The following CA6 variants were observed in gnomAD, a reference collection of about 807,000 sequenced individuals.
CA6 encodes the protein carbonate dehydratase VI.
A neutral mutation model predicts 35.9 loss-of-function variants in CA6; 28 were observed. The ratio of observed to expected loss-of-function variants is 0.78; its 90% CI spans 0.58 to 1.07. The LOEUF (loss-of-function observed/expected upper bound fraction) is 1.07. Ranked by LOEUF, CA6 falls within the 50% of genes least tolerant of loss-of-function variation. The pLI is 0.00. For synonymous variants in CA6, 148 were observed against 152.6 expected (o/e 0.97, Z 0.22); for missense variants, 377 against 382.0 (o/e 0.99, Z 0.11).
At chr1:8,973,776 CT>C (rs1333695550) in intron 7 of CA6, among the ~76,000 whole-genome samples, 342 of 17,240 alleles carry the variant, frequency 0.02, 31 homozygotes, top group African/African-American at 0.12. Flanking sequence ...TTCTTTCTTT[CT>C]TTCTTTCTTT....
chr1:8,973,756 C>CTT (rs1299413107), intron 7 of CA6, among the ~76,000 whole-genome samples: 5 of 21,880 alleles, frequency 2.3e-4, no homozygotes, highest in African/African-American at 1.0e-3. Flanking sequence ...TTCTTTCTTT[C>CTT]TTTCTTTCTT....
At chr1:8,973,861 C>G (rs1438103190) in intron 7 of CA6, among the ~76,000 whole-genome samples, 1 of 150,664 alleles carries the variant, frequency 6.6e-6, no homozygotes, top group Non-Finnish European at 1.5e-5. Context: ...GAGTCTTGCT[C>G]TGTTGCCCAG....
rs1639761434 is a variant in CA6, at chr1:8,958,939, C to T, written c.438C>T (p.Tyr146=). 2 of 1,612,068 alleles carry T rather than the reference C, an allele frequency of 1.2e-6. No individual in the cohort carries two copies. Among genetic ancestry groups the T allele is most frequent in the African/African-American group, 1.3e-5 (1 of 74,920 alleles). Residue 146 remains tyrosine, a synonymous_variant, in exon 4 of 8, where the codon TAC becomes TAT. Coordinates refer to ENST00000377443, the MANE Select transcript of CA6 (RefSeq NM_001215.4). ...EIHIVHYNSK[Y]KSYDIAQDAP... ...ACATTGTTCACTACAATTCTAAATACAAGAGCTATGATATAGCCCAAGATG... is the reference window on the plus strand; with the variant it reads ...ACATTGTTCACTACAATTCTAAATATAAGAGCTATGATATAGCCCAAGATG...
chr1:8,955,611 A>ACCTTGCACGCCTCCTTTTAAGGC lies in CA6; in HGVS notation c.260-1521_260-1499dup, dbSNP rs898167280. Among the ~76,000 whole-genome samples, 958 of 99,580 alleles carry ACCTTGCACGCCTCCTTTTAAGGC rather than the reference A, an allele frequency of 9.6e-3. 16 individuals are homozygous for ACCTTGCACGCCTCCTTTTAAGGC. Among genetic ancestry groups the ACCTTGCACGCCTCCTTTTAAGGC allele is most frequent in the African/African-American group, 0.038 (890 of 23,424 alleles). The allele number at this position is 99,580 out of a possible 152,430, so 65.3% of individuals were successfully genotyped here. A position where few individuals can be genotyped will look rare whatever the true frequency, so the allele number is the denominator to read the frequency against. ...CTCCCGTCTGCTTTCAGCATCACTG[A>ACCTTGCACGCCTCCTTTTAAGGC]CCTTGCACGCCTCCTTTTAAGGCCC... On this transcript the variant is annotated intron_variant, in intron 2 of 7. Coordinates refer to ENST00000377443, the MANE Select transcript of CA6 (RefSeq NM_001215.4).
At chr1:8,946,017 C>G (rs752256453) in intron 1 of CA6, 52 bp downstream of exon 1, 4 of 1,108,890 alleles carry the variant, frequency 3.6e-6, no homozygotes, top group Non-Finnish European at 5.4e-6. Flanking sequence ...ACCCTTACAA[C>G]AGGACAAGTG....
chr1:8,961,767 C>G (rs1639848241), intron 4 of CA6, among the ~76,000 whole-genome samples: 1 of 152,232 alleles, frequency 6.6e-6, no homozygotes, highest in Non-Finnish European at 1.5e-5. Context: ...CCCAAAGCAA[C>G]TTTTCTGACT....
At chr1:8,967,918 A>G (rs1557631580) in intron 6 of CA6, 102 bp downstream of exon 6, 6 of 1,069,976 alleles carry the variant, frequency 5.6e-6, no homozygotes, top group East Asian at 5.0e-5. Flanking sequence ...AAGGGGTCCT[A>G]CAGTATTTTC....
At position 8,970,855 on chromosome 1, in the gene CA6, C is replaced by T. The variant is rs374401225; in HGVS notation, c.730-12C>T. The T allele has an allele frequency of 2.5e-5, 38 of 1,542,056 alleles. No individual in the cohort carries two copies. Among genetic ancestry groups the T allele is most frequent in the Non-Finnish European group, 3.1e-5 (35 of 1,114,906 alleles). ...ACTCTTCCCCTCCATAATGCACTCA[C>T]GTTGCCCCCAGGTTTGGAAGCTGGA... On this transcript the variant is annotated splice_polypyrimidine_tract_variant and intron_variant, in intron 6 of 7. Transcript: ENST00000377443.
In CA6 at chr1:8,951,772, T is replaced by C. The variant is rs1178182489; in HGVS notation, c.259+2330T>C. Reference sequence around the variant, plus strand: ...GGTTCTCACCTCACACGACAGCATGTCGGACATTAGAGTGGACCCAAAGTT... The same window carrying C: ...GGTTCTCACCTCACACGACAGCATGCCGGACATTAGAGTGGACCCAAAGTT... On this transcript the variant is annotated intron_variant, in intron 2 of 7. Coordinates refer to ENST00000377443, the MANE Select transcript of CA6 (RefSeq NM_001215.4). The C allele has an allele frequency of 7.4e-5, 51 of 689,434 alleles. No individual in the cohort carries two copies. The East Asian group carries it at 1.3e-3, about 17-fold the overall frequency. 42.7% of individuals were successfully genotyped at this position (689,434 alleles called of 1,614,324 possible). A position where few individuals can be genotyped will look rare whatever the true frequency, so the allele number is the denominator to read the frequency against.
intron 5 of CA6, among the ~76,000 whole-genome samples, chr1:8,966,992 A>AG (rs1276989841): frequency 4.0e-5 from 6 of 151,534 alleles, no homozygotes; most frequent in African/African-American, 1.5e-4. Context: ...ATAATAAAAA[A>AG]AACAACTTAT....
rs997756346 is a variant in CA6, at chr1:8,972,194, C to T, written c.844+1213C>T. ...TCCCCAGTAGCGGAGACTGCAGGCA[C>T]ACACCACCACACCCAGCTAATTTTT... is the stretch of plus-strand genomic sequence containing the variant. On this transcript the variant is annotated intron_variant, in intron 7 of 7. Coordinates refer to ENST00000377443, the MANE Select transcript of CA6 (RefSeq NM_001215.4). Among the ~76,000 whole-genome samples, 11 of 152,100 alleles carry T rather than the reference C, an allele frequency of 7.2e-5. No homozygotes were observed. The South Asian group carries it at 2.3e-3, about 32-fold the overall frequency.
At chr1:8,973,168 C>T (rs763000227) in intron 7 of CA6, among the ~76,000 whole-genome samples, 12 of 152,230 alleles carry the variant, frequency 7.9e-5, no homozygotes, top group Middle Eastern at 3.4e-3. Context: ...TACAGGCACG[C>T]GCCCCCACGC....
chr1:8,966,111 T>A (rs1163094232), intron 5 of CA6, among the ~76,000 whole-genome samples: 1 of 152,146 alleles, frequency 6.6e-6, no homozygotes, highest in Non-Finnish European at 1.5e-5. Flanking sequence ...TATGTTTTTT[T>A]AATTTTAATT....
Position 8,970,982 on chromosome 1 carries a change from G to A in CA6, c.844+1G>A, listed in dbSNP as rs2124193238. ...GTGGAATCCAACTTCCCGAATCAGGGTGAGTGAGACCGACTCTTGATCATG... is the reference window on the plus strand; with the variant it reads ...GTGGAATCCAACTTCCCGAATCAGGATGAGTGAGACCGACTCTTGATCATG... On this transcript the variant is annotated splice_donor_variant, in intron 7 of 7. Coordinates refer to ENST00000377443, the MANE Select transcript of CA6 (RefSeq NM_001215.4). LOFTEE classifies it high-confidence loss of function. The A allele has an allele frequency of 6.3e-7, 1 of 1,591,358 alleles. No individual in the cohort carries two copies. Among genetic ancestry groups the A allele is most frequent in the South Asian group, 1.1e-5 (1 of 90,638 alleles).
intron 1 of CA6, among the ~76,000 whole-genome samples, chr1:8,947,850 C>CTT (rs527410056): frequency 7.1e-6 from 1 of 140,590 alleles, no homozygotes. Flanking sequence ...GTACAGACAC[C>CTT]TTTTTTTTTT....
Position 8,957,297 on chromosome 1 carries a change from C to A in CA6, c.408+12C>A, listed in dbSNP as rs368972907. On this transcript the variant is annotated intron_variant, in intron 3 of 7. Transcript: ENST00000377443. ...GACATGTGATCGAGGTACCTGAGGA[C>A]CCCCACTGTGTCCTCTTTCCTTTGA... The A allele has an allele frequency of 1.2e-6, 2 of 1,601,148 alleles. No homozygotes were observed. Among genetic ancestry groups the A allele is most frequent in the East Asian group, 2.2e-5 (1 of 44,654 alleles).
intron 4 of CA6, among the ~76,000 whole-genome samples, chr1:8,961,482 A>G (rs969945602): frequency 6.6e-6 from 1 of 152,242 alleles, no homozygotes; most frequent in African/African-American, 2.4e-5. Context: ...AATTAAGTTA[A>G]TATTAACCTG....
chr1:8,960,789 C>CACACACACACACACATATAT (rs59987426), intron 4 of CA6, among the ~76,000 whole-genome samples: 72 of 116,942 alleles, frequency 6.2e-4, no homozygotes, highest in Middle Eastern at 4.0e-3. Context: ...CACACACACA[C>CACACACACACACACATATAT]ATATATATAA....
chr1:8,949,348 G>A lies in CA6; in HGVS notation c.165G>A (p.Thr55=), dbSNP rs774032870. 9.3e-6 allele frequency: 15 copies of A among 1,613,160 alleles called. No individual in the cohort carries two copies. The highest frequency in any genetic ancestry group is 8.3e-5 in the Admixed American group (5 of 59,942). ...AGTCGCCTATCAACCTACAGAGGAC[G>A]AAGGTGCGGTACAACCCCTCCTTGA... ...QRQSPINLQR[T]KVRYNPSLKG... The change falls in exon 2 of 8, where the codon ACG becomes ACA. Residue 55 remains threonine (T), a synonymous_variant. Coordinates refer to ENST00000377443, the MANE Select transcript of CA6 (RefSeq NM_001215.4).
Sources: gnomAD v4.1 joint callset for allele counts (sites outside exome capture counted in the v4.1 genomes callset) on GRCh38, gnomAD v4.1.1 for gene constraint, MANE v1.5 for transcripts, NCBI Gene and HGNC (gene_info 2026-07-23, HGNC 2026-07-21) for gene names.